USH2A: variants seen among roughly 807,000 people sequenced by gnomAD.
The protein encoded by USH2A is usherin.
USH2A carries 443 observed loss-of-function variants against 538.9 expected under a neutral mutation model. That is an observed-to-expected ratio of 0.82 (90% confidence interval 0.76 to 0.89). The LOEUF is 0.89. Ranked by LOEUF, USH2A falls within the 40% of genes least tolerant of loss-of-function variation. USH2A has a pLI of 0.00. For synonymous variants in USH2A, 2,413 were observed against 2,273.5 expected, an observed-to-expected ratio of 1.06 and a Z score of -1.75; for missense variants, 6,633 against 6,324.8, an observed-to-expected ratio of 1.05 and a Z score of -1.65.
intron 32 of USH2A, among the ~76,000 whole-genome samples, chr1:216,015,810 A>C (rs1316274178): frequency 6.6e-6 from 1 of 152,180 alleles, no homozygotes; most frequent in Non-Finnish European, 1.5e-5. Flanking sequence ...CTAGAACTAG[A>C]AATACCACTT....
chr1:215,815,308 T>C (rs1275357218), intron 48 of USH2A, among the ~76,000 whole-genome samples: 3 of 152,112 alleles, frequency 2.0e-5, no homozygotes, highest in African/African-American at 4.8e-5. Flanking sequence ...TTTTCAAGAC[T>C]ATGTGGTGAG....
chr1:215,695,405 TA>T (rs1376904790), intron 61 of USH2A, among the ~76,000 whole-genome samples: 1 of 152,136 alleles, frequency 6.6e-6, no homozygotes, highest in Non-Finnish European at 1.5e-5. Context: ...ATTAACTACC[TA>T]AAAGGTCCAC....
intron 3 of USH2A, among the ~76,000 whole-genome samples, chr1:216,386,122 A>C (rs965139989): frequency 1.1e-4 from 17 of 152,220 alleles, no homozygotes; most frequent in Non-Finnish European, 2.2e-4. Flanking sequence ...AGTCCTGTAC[A>C]TAGTGTTCTA....
chr1:216,118,465 C>G (rs2033059013), intron 21 of USH2A, among the ~76,000 whole-genome samples: 2 of 152,104 alleles, frequency 1.3e-5, no homozygotes, highest in Non-Finnish European at 2.9e-5. Flanking sequence ...CTACACAGTC[C>G]AGCTTCTCAT....
chr1:216,242,114 G>A (rs2035949900), intron 13 of USH2A, among the ~76,000 whole-genome samples: 1 of 151,664 alleles, frequency 6.6e-6, no homozygotes, highest in Non-Finnish European at 1.5e-5. Flanking sequence ...CACTTTGGGA[G>A]GCCTAGGCAG....
At chr1:216,273,551 A>G (rs760880449) in intron 11 of USH2A, among the ~76,000 whole-genome samples, 4 of 152,132 alleles carry the variant, frequency 2.6e-5, no homozygotes, top group African/African-American at 9.6e-5. Flanking sequence ...GTTAAATTCA[A>G]TTGAACACTT....
intron 61 of USH2A, among the ~76,000 whole-genome samples, chr1:215,722,144 C>G (rs1457528561): frequency 6.6e-6 from 1 of 150,468 alleles, no homozygotes; most frequent in Non-Finnish European, 1.5e-5. Context: ...TGTTTTCTAT[C>G]TTTTATATAG....
chr1:215,699,931 T>A (rs1225702933), intron 61 of USH2A, among the ~76,000 whole-genome samples: 1 of 152,220 alleles, frequency 6.6e-6, no homozygotes, highest in Non-Finnish European at 1.5e-5. Flanking sequence ...CAGTATGATA[T>A]TGGCTGTGGG....
intron 11 of USH2A, among the ~76,000 whole-genome samples, chr1:216,263,040 A>C (rs553205004): frequency 1.3e-5 from 2 of 152,252 alleles, no homozygotes; most frequent in East Asian, 1.9e-4. Context: ...GAAATGGATA[A>C]ATTTGTGGAT....
chr1:215,658,266 C>A (rs74935270), intron 64 of USH2A, among the ~76,000 whole-genome samples: 1 of 146,360 alleles, frequency 6.8e-6, no homozygotes, highest in African/African-American at 2.5e-5. Flanking sequence ...TTTTTTTTTT[C>A]TTATATCTGC....
At chr1:216,167,810 A>G (rs1478358586) in intron 21 of USH2A, among the ~76,000 whole-genome samples, 2 of 152,134 alleles carry the variant, frequency 1.3e-5, no homozygotes, top group African/African-American at 4.8e-5. Context: ...ATGTCCCCTC[A>G]ATCAAATTCT....
Position 216,200,037 on chromosome 1 carries a change from G to A in USH2A, c.3401C>T (p.Thr1134Ile). 2 of 1,613,668 alleles carry A rather than the reference G, an allele frequency of 1.2e-6. No homozygotes were observed. Among genetic ancestry groups the A allele is most frequent in the Non-Finnish European group, 1.7e-6 (2 of 1,179,934 alleles). Residue 1134 changes from threonine (T) to isoleucine (I), a missense_variant, in exon 17 of 72, where the codon ACA (threonine) becomes ATA (isoleucine). By Grantham distance (89) the Thr-to-Ile change is moderately conservative. Transcript: ENST00000307340. ...CTTGTAAGTGACAGCTACACTCCTT[G>A]TTGAACCATGCACATTGGTGGTCTC... Reference protein sequence around the residue: ...YIETTNVHGSTRSVAVTYKTK... With the variant: ...YIETTNVHGSIRSVAVTYKTK...
chr1:216,086,446 A>G (rs2032136050), intron 24 of USH2A, among the ~76,000 whole-genome samples: 1 of 152,158 alleles, frequency 6.6e-6, no homozygotes, highest in Admixed American at 6.6e-5. Context: ...CTAAAATAAC[A>G]TACCTTTGAC....
intron 13 of USH2A, among the ~76,000 whole-genome samples, chr1:216,244,149 C>T (rs1300269150): frequency 6.6e-6 from 1 of 152,074 alleles, no homozygotes; most frequent in Non-Finnish European, 1.5e-5. Flanking sequence ...AGGATGCCAA[C>T]TAACATTGAA....
intron 41 of USH2A, among the ~76,000 whole-genome samples, chr1:215,882,896 T>C (rs1413933032): frequency 6.6e-6 from 1 of 152,192 alleles, no homozygotes; most frequent in African/African-American, 2.4e-5. Context: ...ATATGTGCTC[T>C]TGTGTTTATT....
chr1:216,070,047 A>C, intron 30 of USH2A, 54 bp downstream of exon 30: 1 of 1,589,768 alleles, frequency 6.3e-7, no homozygotes, highest in Non-Finnish European at 8.6e-7. Context: ...TTTATTTAAA[A>C]TGCAAACAAA....
chr1:215,711,452 G>A (rs1302275255), intron 61 of USH2A, among the ~76,000 whole-genome samples: 3 of 152,120 alleles, frequency 2.0e-5, no homozygotes, highest in Non-Finnish European at 2.9e-5. Flanking sequence ...AAATACAAAT[G>A]AGGGAATTGA....
Position 215,728,051 on chromosome 1 carries a change from G to T in USH2A, c.12045C>A (p.Thr4015=), listed in dbSNP as rs755924483. 32 of 1,614,078 alleles carry T rather than the reference G, an allele frequency of 2.0e-5. No homozygotes were observed. The highest frequency in any genetic ancestry group is 2.7e-5 in the Non-Finnish European group (32 of 1,180,022). The change falls in exon 61 of 72, where the codon ACC becomes ACA. Residue 4015 remains threonine (T), a synonymous_variant. Coordinates refer to ENST00000307340, the MANE Select transcript of USH2A (RefSeq NM_206933.4). ...RPDDPTFNSP[T]VHAFTVKGTS... Reference sequence around the variant, plus strand: ...TTACCTTCACTGTGAAAGCATGCACGGTAGGGCTGTTAAATGTAGGATCGT... The same window carrying T: ...TTACCTTCACTGTGAAAGCATGCACTGTAGGGCTGTTAAATGTAGGATCGT...
rs1327011226 is a variant in USH2A at position 215,775,323 on chromosome 1, G to A, written c.10939+4520C>T. Among the ~76,000 whole-genome samples the A allele has an allele frequency of 2.0e-5, 3 of 152,196 alleles. No homozygotes were observed. In the South Asian group the frequency reaches 6.2e-4, roughly 32 times the overall value. ...AACAAGGGGCCTGAATTTTCATTTC[G>A]CACTGGACCCCACAATTTTGTTGCC... On this transcript the variant is annotated intron_variant, in intron 55 of 71. Coordinates refer to ENST00000307340, the MANE Select transcript of USH2A (RefSeq NM_206933.4).
Sources: gnomAD v4.1 joint callset for allele counts (sites outside exome capture counted in the v4.1 genomes callset) on GRCh38, gnomAD v4.1.1 for gene constraint, MANE v1.5 for transcripts, NCBI Gene and HGNC (gene_info 2026-07-23, HGNC 2026-07-21) for gene names.